Variants in CACNA2D3 observed in about 807,000 individuals in gnomAD.
CACNA2D3 encodes the protein voltage-dependent calcium channel subunit alpha-2/delta-3.
In CACNA2D3, 60 loss-of-function variants were observed where a neutral mutation model predicts 160.6. The ratio of observed to expected loss-of-function variants is 0.37; its 90% CI spans 0.30 to 0.46. CACNA2D3 has a LOEUF of 0.46. Among genes scored for constraint, CACNA2D3 ranks in the 20% least tolerant of loss-of-function variants. CACNA2D3 has a pLI of 1.00. For missense variants in CACNA2D3, 1,205 were observed against 1,365.0 expected (o/e 0.88, Z 1.85); for synonymous variants, 558 against 492.9 (o/e 1.13, Z -1.75).
intron 35 of CACNA2D3, among the ~76,000 whole-genome samples, chr3:55,020,681 C>T (rs1703428394): frequency 6.6e-6 from 1 of 151,730 alleles, no homozygotes; most frequent in South Asian, 2.1e-4. Context: ...GAAACCCTGC[C>T]TCTACTAAAA....
intron 4 of CACNA2D3, among the ~76,000 whole-genome samples, chr3:54,412,945 A>G (rs1180229430): frequency 6.6e-6 from 1 of 151,884 alleles, no homozygotes; most frequent in Admixed American, 6.6e-5. Context: ...TGTAAAGACA[A>G]TAATATATTT....
chr3:54,305,702 G>C (rs1469684994), intron 2 of CACNA2D3, among the ~76,000 whole-genome samples: 1 of 152,190 alleles, frequency 6.6e-6, no homozygotes, highest in Non-Finnish European at 1.5e-5. Context: ...AGTGCACAGA[G>C]GTGCTGAACC....
At chr3:54,780,182 C>G (rs568163384) in intron 13 of CACNA2D3, among the ~76,000 whole-genome samples, 25 of 152,166 alleles carry the variant, frequency 1.6e-4, no homozygotes, top group Non-Finnish European at 3.2e-4. Flanking sequence ...ATATTGTCTC[C>G]AAAATGCATG....
intron 27 of CACNA2D3, among the ~76,000 whole-genome samples, chr3:54,950,771 A>G (rs946098856): frequency 1.3e-5 from 2 of 152,128 alleles, no homozygotes; most frequent in Non-Finnish European, 2.9e-5. Flanking sequence ...AATATCTTGC[A>G]CCTTGATCGG....
intron 11 of CACNA2D3, among the ~76,000 whole-genome samples, chr3:54,715,148 G>A (rs934633622): frequency 6.6e-6 from 1 of 152,204 alleles, no homozygotes; most frequent in African/African-American, 2.4e-5. Flanking sequence ...TGATCGACCA[G>A]CTGTGAATTG....
intron 5 of CACNA2D3, among the ~76,000 whole-genome samples, chr3:54,522,358 A>G (rs1452871110): frequency 6.6e-6 from 1 of 152,126 alleles, no homozygotes; most frequent in Non-Finnish European, 1.5e-5. Context: ...TAGAAATACA[A>G]TTGATTTTTA....
intron 3 of CACNA2D3, among the ~76,000 whole-genome samples, chr3:54,334,935 C>G (rs1311035041): frequency 6.6e-6 from 1 of 152,208 alleles, no homozygotes; most frequent in African/African-American, 2.4e-5. Context: ...TTTACTTAAA[C>G]TCCCTAAGCT....
intron 25 of CACNA2D3, among the ~76,000 whole-genome samples, chr3:54,896,174 G>C (rs1700183315): frequency 6.6e-6 from 1 of 152,186 alleles, no homozygotes; most frequent in South Asian, 2.1e-4. Flanking sequence ...AGAAGGCAGG[G>C]AGTCAGTGGA....
At chr3:54,710,189 A>G (rs1359619670) in intron 11 of CACNA2D3, among the ~76,000 whole-genome samples, 1 of 152,222 alleles carries the variant, frequency 6.6e-6, no homozygotes, top group Non-Finnish European at 1.5e-5. Flanking sequence ...GTCAGGAAAT[A>G]AATAAGCAAA....
At chr3:54,390,536 T>C (rs1003722561) in intron 4 of CACNA2D3, among the ~76,000 whole-genome samples, 1 of 152,214 alleles carries the variant, frequency 6.6e-6, no homozygotes, top group Non-Finnish European at 1.5e-5. Context: ...GATGTTGAAA[T>C]ACTCTGTCAA....
intron 8 of CACNA2D3, among the ~76,000 whole-genome samples, chr3:54,576,957 A>G (rs1397314018): frequency 6.6e-6 from 1 of 151,972 alleles, no homozygotes; most frequent in East Asian, 1.9e-4. Flanking sequence ...GGACTGCTTG[A>G]CCCTGGGAGG....
At chr3:54,986,388 AT>A (rs1318415886) in intron 30 of CACNA2D3, among the ~76,000 whole-genome samples, 1 of 152,154 alleles carries the variant, frequency 6.6e-6, no homozygotes, top group Non-Finnish European at 1.5e-5. Flanking sequence ...ATAATTCTTC[AT>A]CTAACAACCA....
intron 2 of CACNA2D3, among the ~76,000 whole-genome samples, chr3:54,251,837 G>A (rs889376195): frequency 6.6e-6 from 1 of 152,164 alleles, no homozygotes; most frequent in Non-Finnish European, 1.5e-5. Flanking sequence ...ATATCAAAAT[G>A]ATACTGTCAT....
At chr3:54,909,247 A>C (rs1269738248) in intron 27 of CACNA2D3, among the ~76,000 whole-genome samples, 1 of 152,192 alleles carries the variant, frequency 6.6e-6, no homozygotes, top group Admixed American at 6.5e-5. Context: ...TGAACAGTGC[A>C]ATCAGCATAA....
intron 4 of CACNA2D3, among the ~76,000 whole-genome samples, chr3:54,479,584 G>A (rs1447641942): frequency 1.3e-5 from 2 of 152,118 alleles, no homozygotes; most frequent in African/African-American, 4.8e-5. Context: ...AAATGATGAA[G>A]TCCTGAGCTT....
At chr3:54,689,996 T>C (rs1700543828) in intron 11 of CACNA2D3, among the ~76,000 whole-genome samples, 1 of 152,038 alleles carries the variant, frequency 6.6e-6, no homozygotes, top group Admixed American at 6.5e-5. Flanking sequence ...ACAACCTCCT[T>C]ACAACTCCTG....
At chr3:54,588,071 C>T (rs997270764) in intron 9 of CACNA2D3, among the ~76,000 whole-genome samples, 6 of 152,144 alleles carry the variant, frequency 3.9e-5, no homozygotes, top group African/African-American at 1.4e-4. Context: ...AACAAAATTT[C>T]AGCACATCAA....
intron 27 of CACNA2D3, among the ~76,000 whole-genome samples, chr3:54,943,721 T>C (rs1254055749): frequency 6.6e-6 from 1 of 152,170 alleles, no homozygotes; most frequent in Non-Finnish European, 1.5e-5. Flanking sequence ...TTTCTGCCTA[T>C]TTCATCTTGC....
intron 4 of CACNA2D3, among the ~76,000 whole-genome samples, chr3:54,465,628 C>G (rs1700609178): frequency 6.6e-6 from 1 of 152,130 alleles, no homozygotes; most frequent in Non-Finnish European, 1.5e-5. Flanking sequence ...TGCATACACT[C>G]CATTTTGGAA....
Sources: gnomAD v4.1 joint callset for allele counts (sites outside exome capture counted in the v4.1 genomes callset) on GRCh38, gnomAD v4.1.1 for gene constraint, MANE v1.5 for transcripts, NCBI Gene and HGNC (gene_info 2026-07-23, HGNC 2026-07-21) for gene names.